Variants in DMP1 observed in about 807,000 individuals in gnomAD.
The protein encoded by DMP1 is dentin matrix protein 1.
DMP1 carries 20 observed loss-of-function variants against 14.6 expected under a neutral mutation model. The ratio of observed to expected loss-of-function variants is 1.37; its 90% confidence interval spans 0.96 to 1.99. The LOEUF (loss-of-function observed/expected upper bound fraction) is 1.99. Ranked by LOEUF, DMP1 falls within the 30% of genes most tolerant of loss-of-function variation. DMP1 has a pLI of 0.00. For missense variants in DMP1, 567 were observed against 620.5 expected, an observed-to-expected ratio of 0.91 and a Z score of 0.92; for synonymous variants, 197 against 215.3, an observed-to-expected ratio of 0.91 and a Z score of 0.75.
At chr4:87,657,419 G>A (rs758529495) in intron 3 of DMP1, 4 of 175,034 alleles carry the variant, frequency 2.3e-5, no homozygotes, top group African/African-American at 9.5e-5. Flanking sequence ...CCTGGAAGGT[G>A]AAAAAAGAAA....
At chr4:87,650,679 G>C (rs1728511010) in intron 1 of DMP1, among the ~76,000 whole-genome samples, 1 of 152,024 alleles carries the variant, frequency 6.6e-6, no homozygotes, top group African/African-American at 2.4e-5. Flanking sequence ...CAGATGGAAG[G>C]TCATTTTGAA....
intron 1 of DMP1, among the ~76,000 whole-genome samples, chr4:87,654,979 T>C (rs1410392367): frequency 6.6e-6 from 1 of 152,002 alleles, no homozygotes; most frequent in Admixed American, 6.6e-5. Context: ...TGTGAGAAAA[T>C]TGTGAGGGAG....
chr4:87,661,757 C>T (rs1165377771), intron 5 of DMP1, among the ~76,000 whole-genome samples: 1 of 151,566 alleles, frequency 6.6e-6, no homozygotes, highest in Non-Finnish European at 1.5e-5. Flanking sequence ...TGAAGTGTGC[C>T]TATATAAAAT....
At chr4:87,658,868 T>C (rs1164274609) in intron 3 of DMP1, 2 of 290,102 alleles carry the variant, frequency 6.9e-6, no homozygotes, top group African/African-American at 4.5e-5. Context: ...AACCAGTGAG[T>C]TAATTGAGAC....
In DMP1 at chr4:87,650,320, C is replaced by T. The variant is rs1326382906; in HGVS notation, c.-86C>T. ...GAGTGGCTTCATTGGGCATAGATTT[C>T]CTCTTTGAGAACATCAACCTGATTT... On this transcript the variant is annotated 5_prime_UTR_variant, in exon 1 of 6. Coordinates refer to ENST00000339673, the MANE Select transcript of DMP1 (RefSeq NM_004407.4). 1.3e-5 allele frequency: 2 copies of T among 152,188 alleles called. No individual in the cohort carries two copies. Among genetic ancestry groups the T allele is most frequent in the African/African-American group, 2.4e-5 (1 of 41,456 alleles). The allele number at this position is 152,188 out of a possible 1,614,324, so 9.4% of individuals were successfully genotyped here. A position where few individuals can be genotyped will look rare whatever the true frequency, so the allele number is the denominator to read the frequency against.
At chr4:87,659,613 A>G in intron 5 of DMP1, 135 bp downstream of exon 5, 1 of 882,790 alleles carries the variant, frequency 1.1e-6, no homozygotes, top group South Asian at 1.4e-5. Context: ...AGAGTCCTAT[A>G]AAGTAAGAAG....
Position 87,663,039 on chromosome 4 carries a change from T to C in DMP1, c.1261T>C (p.Ser421Pro), listed in dbSNP as rs772213494. ...SLNFSEESPE[S>P]PEDENSSSQE... Reference sequence around the variant, plus strand: ...CAACTTCTCAGAGGAAAGCCCGGAGTCCCCTGAGGATGAGAACAGCTCCAG... The same window carrying C: ...CAACTTCTCAGAGGAAAGCCCGGAGCCCCCTGAGGATGAGAACAGCTCCAG... Residue 421 changes from serine (S) to proline (P), a missense_variant, in exon 6 of 6, where the codon TCC (serine) becomes CCC (proline). Physicochemically the swap from Ser to Pro is moderately conservative, Grantham distance 74 (BLOSUM62 -1). Coordinates refer to ENST00000339673, the MANE Select transcript of DMP1 (RefSeq NM_004407.4). The C allele has an allele frequency of 6.2e-7, 1 of 1,613,500 alleles. No individual in the cohort carries two copies. Among genetic ancestry groups the C allele is most frequent in the African/African-American group, 1.3e-5 (1 of 74,720 alleles).
rs1187192378 is a variant in DMP1 at position 87,659,476 on chromosome 4, C to G, written c.181C>G (p.Gln61Glu). The change falls in exon 5 of 6, where the codon CAG becomes GAG. Residue 61 changes from glutamine (Q) to glutamate (E), a missense_variant and splice_region_variant. Transcript: ENST00000339673. ...AGGCAGTAAAGTTAGCTCAGAGGAA[C>G]AGGTAATTAAACAGACCTTTCTTAA... is the stretch of plus-strand genomic sequence containing the variant. ...SEGSKVSSEE[Q>E]ANEDPSDSTQ... 4 of 1,613,700 alleles carry G rather than the reference C, an allele frequency of 2.5e-6. No individual in the cohort carries two copies. The East Asian group carries it at 8.9e-5, about 36-fold the overall frequency.
At chr4:87,656,983 TG>T (rs773797362) in intron 2 of DMP1, 48 bp from the exon 3 acceptor site, 208 of 1,143,182 alleles carry the variant, frequency 1.8e-4, no homozygotes, top group Admixed American at 1.7e-3. Flanking sequence ...TAATAACTAT[TG>T]CTTTAGAAAT....
At chr4:87,660,301 T>G (rs536848513) in intron 5 of DMP1, among the ~76,000 whole-genome samples, 3 of 152,334 alleles carry the variant, frequency 2.0e-5, no homozygotes, top group African/African-American at 7.2e-5. Flanking sequence ...CTTTGTGATT[T>G]GTTGTCTCAA....
Position 87,662,327 on chromosome 4 carries a change from C to T in DMP1, c.549C>T (p.Ser183=), listed in dbSNP as rs1221358026. The T allele has an allele frequency of 6.2e-7, 1 of 1,613,862 alleles. No individual in the cohort carries two copies. Among genetic ancestry groups the T allele is most frequent in the African/African-American group, 1.3e-5 (1 of 74,898 alleles). ...RVDSKPEGGD[S]TQESESEEHW... ...ACAGCAAGCCTGAGGGAGGTGACTC[C>T]ACTCAAGAGAGTGAGAGTGAAGAGC... The change falls in exon 6 of 6, where the codon TCC becomes TCT. Residue 183 remains serine (S), a synonymous_variant. Transcript: ENST00000339673.
chr4:87,652,426 A>G (rs1218549916), intron 1 of DMP1, among the ~76,000 whole-genome samples: 1 of 152,160 alleles, frequency 6.6e-6, no homozygotes, highest in Non-Finnish European at 1.5e-5. Flanking sequence ...GGGGTTTAAG[A>G]TCTGATTTTC....
intron 1 of DMP1, among the ~76,000 whole-genome samples, chr4:87,653,598 A>G (rs1049766450): frequency 8.6e-5 from 13 of 151,280 alleles, no homozygotes; most frequent in Admixed American, 2.0e-4. Flanking sequence ...GTTAATTATG[A>G]TATTTTTAAT....
chr4:87,661,047 T>G (rs1220073831), intron 5 of DMP1, among the ~76,000 whole-genome samples: 6 of 104,248 alleles, frequency 5.8e-5, no homozygotes, highest in East Asian at 6.1e-4. Context: ...GTGTGTGTGT[T>G]TGTTTGTTTG....
intron 3 of DMP1, among the ~76,000 whole-genome samples, chr4:87,658,366 T>C (rs1245571241): frequency 2.0e-5 from 3 of 152,196 alleles, no homozygotes; most frequent in African/African-American, 7.2e-5. Context: ...GAAGAAGTGA[T>C]GGGGAGGGGT....
chr4:87,651,113 G>A (rs1728521971), intron 1 of DMP1, among the ~76,000 whole-genome samples: 1 of 152,146 alleles, frequency 6.6e-6, no homozygotes, highest in Non-Finnish European at 1.5e-5. Flanking sequence ...GAGTCCATGT[G>A]TTTTAGCAAC....
At chr4:87,658,145 T>C (rs981552354) in intron 3 of DMP1, among the ~76,000 whole-genome samples, 3 of 152,204 alleles carry the variant, frequency 2.0e-5, no homozygotes, top group Non-Finnish European at 4.4e-5. Context: ...TAATTCCAAA[T>C]GATAATTGAC....
chr4:87,659,888 G>A (rs370046304), intron 5 of DMP1, among the ~76,000 whole-genome samples: 1 of 152,192 alleles, frequency 6.6e-6, no homozygotes, highest in Non-Finnish European at 1.5e-5. Flanking sequence ...GATCCTGCTC[G>A]AAGACAGAAC....
rs1328970199 is a variant in DMP1, at chr4:87,663,752, A to T, written c.*432A>T. On this transcript the variant is annotated 3_prime_UTR_variant, in exon 6 of 6. Coordinates refer to ENST00000339673, the MANE Select transcript of DMP1 (RefSeq NM_004407.4). ...AGTTAAAGAGGGATATGTATAAGAG[A>T]AACAAGAATTGTTACAACCCAGTAT... is the stretch of plus-strand genomic sequence containing the variant. 7.7e-6 allele frequency: 2 copies of T among 259,766 alleles called. No homozygotes were observed. The highest frequency in any genetic ancestry group is 4.5e-5 in the African/African-American group (2 of 44,516). The allele number at this position is 259,766 out of a possible 1,614,324, so 16.1% of individuals were successfully genotyped here.
Sources: gnomAD v4.1 joint callset for allele counts (sites outside exome capture counted in the v4.1 genomes callset) on GRCh38, gnomAD v4.1.1 for gene constraint, MANE v1.5 for transcripts, NCBI Gene and HGNC (gene_info 2026-07-23, HGNC 2026-07-21) for gene names.